Variants in FBXO22 observed in about 807,000 individuals in gnomAD.
FBXO22 encodes F-box protein 22.
In FBXO22, 13 loss-of-function variants were observed where a neutral mutation model predicts 37.2. The observed-to-expected ratio is 0.35, with a 90% confidence interval of 0.23 to 0.56. The LOEUF (loss-of-function observed/expected upper bound fraction) is 0.56. FBXO22 is among the 20% of genes least tolerant of loss of function. The probability of loss-of-function intolerance (pLI) is 0.87; values close to 1 mark genes in which losing one functional copy is unlikely to be tolerated. For synonymous variants in FBXO22, 189 were observed against 189.1 expected, an observed-to-expected ratio of 1.00 and a Z score of 0.00; for missense variants, 446 against 509.9, an observed-to-expected ratio of 0.87 and a Z score of 1.21.
chr15:75,905,565 A>AT (rs911217582), intron 2 of FBXO22: 2 of 152,200 alleles, frequency 1.3e-5, no homozygotes, highest in African/African-American at 4.8e-5. Context: ...CATTTCTACC[A>AT]TTTTATCCTC....
chr15:75,939,205 T>C lies in FBXO22; in HGVS notation c.*6103T>C, dbSNP rs1008082762. On this transcript the variant is annotated 3_prime_UTR_variant, in exon 7 of 7. Transcript: ENST00000308275. ...TAAAGTTGGAAAGCCTATGCGTAGA[T>C]AGACTAAGAAAAAAAGGAAGACTCA... 3 of 151,690 alleles carry C rather than the reference T, an allele frequency of 2.0e-5. No individual in the cohort carries two copies. Among genetic ancestry groups the C allele is most frequent in the Admixed American group, 6.6e-5 (1 of 15,232 alleles). The allele number at this position is 151,690 out of a possible 1,614,324, so 9.4% of individuals were successfully genotyped here. A position where few individuals can be genotyped will look rare whatever the true frequency, so the allele number is the denominator to read the frequency against.
chr15:75,918,321 G>A (rs1341149343), intron 5 of FBXO22, among the ~76,000 whole-genome samples: 101 of 139,446 alleles, frequency 7.2e-4, no homozygotes, highest in Non-Finnish European at 1.1e-3. Context: ...TGACAATGTG[G>A]AAAAAAAAAA....
chr15:75,909,935 G>A (rs1278763078), intron 2 of FBXO22, among the ~76,000 whole-genome samples: 1 of 152,062 alleles, frequency 6.6e-6, no homozygotes, highest in Non-Finnish European at 1.5e-5. Flanking sequence ...CTCCCTGACA[G>A]GCCCTGGTGT....
In FBXO22 at chr15:75,938,947, T is replaced by C. The variant is rs2030658825; in HGVS notation, c.*5845T>C. 1 of 152,116 alleles carries C rather than the reference T, an allele frequency of 6.6e-6. No homozygotes were observed. Among genetic ancestry groups the C allele is most frequent in the Admixed American group, 6.5e-5 (1 of 15,276 alleles). 9.4% of individuals were successfully genotyped at this position (152,116 alleles called of 1,614,324 possible). A position where few individuals can be genotyped will look rare whatever the true frequency, so the allele number is the denominator to read the frequency against. On this transcript the variant is annotated 3_prime_UTR_variant, in exon 7 of 7. Transcript: ENST00000308275. Reference sequence around the variant, plus strand: ...ATGCAACATACCAAAATTTATAGGATGCAGTGAAAGCACTGCTAAAAGGGA... The same window carrying C: ...ATGCAACATACCAAAATTTATAGGACGCAGTGAAAGCACTGCTAAAAGGGA...
At chr15:75,918,546 T>C (rs771212910) in intron 5 of FBXO22, among the ~76,000 whole-genome samples, 1 of 152,180 alleles carries the variant, frequency 6.6e-6, no homozygotes, top group Non-Finnish European at 1.5e-5. Flanking sequence ...TGAAGAGATA[T>C]CTGCACTCCC....
intron 2 of FBXO22, 99 bp downstream of exon 2, chr15:75,904,728 A>AAAT: frequency 1.1e-6 from 1 of 911,482 alleles, no homozygotes; most frequent in Non-Finnish European, 1.4e-6. Flanking sequence ...AATTAAAGGA[A>AAAT]CATCTCGTTC....
At chr15:75,925,149 G>A (rs564031878) in intron 5 of FBXO22, among the ~76,000 whole-genome samples, 15 of 152,244 alleles carry the variant, frequency 9.9e-5, no homozygotes, top group Non-Finnish European at 2.1e-4. Context: ...TCTGGGGTGT[G>A]TATTTAATTT....
At chr15:75,905,279 G>C (rs1899902742) in intron 2 of FBXO22, among the ~76,000 whole-genome samples, 1 of 152,156 alleles carries the variant, frequency 6.6e-6, no homozygotes, top group African/African-American at 2.4e-5. Flanking sequence ...AGAAAGCCAA[G>C]AACCAAAACT....
chr15:75,933,277 A>T lies in FBXO22; in HGVS notation c.*175A>T. ...TATTTAATATATTAGATGAAGGACA[A>T]CTTTGGACATAACACTGACTAGGAG... On this transcript the variant is annotated 3_prime_UTR_variant, in exon 7 of 7. Transcript: ENST00000308275. The T allele has an allele frequency of 1.7e-6, 1 of 593,820 alleles. No homozygotes were observed. Among genetic ancestry groups the T allele is most frequent in the Non-Finnish European group, 2.9e-6 (1 of 346,680 alleles). 36.8% of individuals were successfully genotyped at this position (593,820 alleles called of 1,614,324 possible).
Position 75,934,041 on chromosome 15 carries a change from C to T in FBXO22, c.*939C>T, listed in dbSNP as rs1463744407. On this transcript the variant is annotated 3_prime_UTR_variant, in exon 7 of 7. Transcript: ENST00000308275. Reference sequence around the variant, plus strand: ...CCTTCAATATCCATTCTTTACTTTTCACATAATGATAGAACCTTTGATTTT... The same window carrying T: ...CCTTCAATATCCATTCTTTACTTTTTACATAATGATAGAACCTTTGATTTT... The T allele has an allele frequency of 2.6e-5, 4 of 153,190 alleles. No individual in the cohort carries two copies. Among genetic ancestry groups the T allele is most frequent in the Non-Finnish European group, 4.4e-5 (3 of 68,738 alleles). 9.5% of individuals were successfully genotyped at this position (153,190 alleles called of 1,614,324 possible).
intron 5 of FBXO22, among the ~76,000 whole-genome samples, chr15:75,924,688 A>G (rs1250800205): frequency 5.3e-5 from 8 of 151,756 alleles, no homozygotes; most frequent in Non-Finnish European, 7.4e-5. Flanking sequence ...TGGCAGCTCT[A>G]CAGTGCCTGG....
chr15:75,904,431 G>A (rs1899873811), intron 1 of FBXO22, 60 bp from the exon 2 acceptor site: 1 of 1,610,400 alleles, frequency 6.2e-7, no homozygotes, highest in Admixed American at 1.7e-5. Context: ...GGGTTTGTGA[G>A]CTGTGGGAGA....
In FBXO22 at chr15:75,927,944, C is replaced by CCCG. The variant is rs1293588549; in HGVS notation, c.629-1940_629-1939insCCG. On this transcript the variant is annotated intron_variant, in intron 5 of 6. Transcript: ENST00000308275. ...TAGATTCATTTTCCTGTCCCCAAAGCACCCGTTTGGTAATGCTGGCAGAAG... is the reference window on the plus strand; with the variant it reads ...TAGATTCATTTTCCTGTCCCCAAAGCCCGACCCGTTTGGTAATGCTGGCAGAAG... Among the ~76,000 whole-genome samples, 265 of 152,212 alleles carry CCCG rather than the reference C, an allele frequency of 1.7e-3. 2 individuals carry two copies. The highest frequency in any genetic ancestry group is 2.0e-3 in the Non-Finnish European group (136 of 68,040).
chr15:75,916,019 C>T (rs1216593044), intron 4 of FBXO22, among the ~76,000 whole-genome samples: 1 of 139,410 alleles, frequency 7.2e-6, no homozygotes, highest in African/African-American at 2.8e-5. Flanking sequence ...TGCACCACTT[C>T]GCTCCAGCCT....
In FBXO22 at chr15:75,903,940, C is replaced by T. The variant is rs2141697915; in HGVS notation, c.-24C>T. On this transcript the variant is annotated 5_prime_UTR_variant, in exon 1 of 7. Transcript: ENST00000308275. Reference sequence around the variant, plus strand: ...CGGGTTCCTCCGAGCCGCCGTAGGACTGGTTCCGGCGGGCTGGTGAGGAAT... The same window carrying T: ...CGGGTTCCTCCGAGCCGCCGTAGGATTGGTTCCGGCGGGCTGGTGAGGAAT... 1 of 1,524,120 alleles carries T rather than the reference C, an allele frequency of 6.6e-7. No individual in the cohort carries two copies. Among genetic ancestry groups the T allele is most frequent in the African/African-American group, 1.4e-5 (1 of 73,262 alleles). The allele number at this position is 1,524,120 out of a possible 1,614,324, so 94.4% of individuals were successfully genotyped here.
chr15:75,927,612 C>A (rs1254513219), intron 5 of FBXO22, among the ~76,000 whole-genome samples: 1 of 152,104 alleles, frequency 6.6e-6, no homozygotes, highest in African/African-American at 2.4e-5. Flanking sequence ...AAAATATATT[C>A]TCTTAAAATT....
chr15:75,933,069 A>C lies in FBXO22; in HGVS notation c.1179A>C (p.Ile393=). 2 of 1,613,664 alleles carry C rather than the reference A, an allele frequency of 1.2e-6. No individual in the cohort carries two copies. Among genetic ancestry groups the C allele is most frequent in the Non-Finnish European group, 1.7e-6 (2 of 1,179,722 alleles). Residue 393 remains isoleucine (I), a synonymous_variant, in exon 7 of 7, where the codon ATA becomes ATC. Transcript: ENST00000308275. ...ATCTGTTTCATAGCTATACAACAAT[A>C]ATGGCACTCATACATCTGGGGTCAT... ...DDDLFHSYTT[I]MALIHLGSSK is the part of the protein sequence containing the mutation.
chr15:75,907,975 A>C (rs1899966030), intron 2 of FBXO22, among the ~76,000 whole-genome samples: 1 of 152,050 alleles, frequency 6.6e-6, no homozygotes, highest in African/African-American at 2.4e-5. Flanking sequence ...AGTCCACCAA[A>C]AGCTTTATAA....
At chr15:75,930,628 C>T in intron 6 of FBXO22, 1 of 985,386 alleles carries the variant, frequency 1.0e-6, no homozygotes, top group South Asian at 4.7e-5. Context: ...AAGGCTTTTG[C>T]TTTCAAAGAT....
Sources: allele counts gnomAD v4.1 joint callset (sites outside exome capture counted in the v4.1 genomes callset), GRCh38; gene constraint gnomAD v4.1.1; transcripts MANE v1.5; gene names NCBI Gene and HGNC (gene_info 2026-07-23, HGNC 2026-07-21).